Variants in NAT16 observed in about 807,000 individuals in gnomAD.
NAT16 encodes probable N-acetyltransferase 16.
A neutral mutation model predicts 15.9 loss-of-function variants in NAT16; 16 were observed. The ratio of observed to expected loss-of-function variants is 1.01; its 90% CI spans 0.68 to 1.53. The LOEUF (loss-of-function observed/expected upper bound fraction) is 1.53, where lower values mean the gene tolerates loss of function less well. Ranked by LOEUF, NAT16 falls within the 40% of genes most tolerant of loss-of-function variation. The pLI is 0.00. For missense variants in NAT16, 572 were observed against 508.4 expected, an observed-to-expected ratio of 1.13 and a Z score of -1.20; for synonymous variants, 260 against 241.9, an observed-to-expected ratio of 1.07 and a Z score of -0.69.
chr7:101,174,288 C>T (rs1797412862), intron 2 of NAT16: 1 of 607,644 alleles, frequency 1.6e-6, no homozygotes, highest in Non-Finnish European at 2.7e-6. Context: ...CCCTCTGGTT[C>T]CTCTGCTTTA....
Position 101,171,688 on chromosome 7 carries a change from G to A in NAT16, c.*391C>T, listed in dbSNP as rs1444073282. ...ACTCCTGAGTTCTTCCACCCACGAG[G>A]GGGCAGAAGGGAGAAGCCAGGAAAG... On this transcript the variant is annotated 3_prime_UTR_variant, in exon 4 of 4. Coordinates refer to ENST00000300303, the MANE Select transcript of NAT16 (RefSeq NM_198571.3). The A allele has an allele frequency of 5.3e-6, 1 of 187,634 alleles. No homozygotes were observed. Among genetic ancestry groups the A allele is most frequent in the Admixed American group, 5.8e-5 (1 of 17,142 alleles). The allele number at this position is 187,634 out of a possible 1,614,324, so 11.6% of individuals were successfully genotyped here.
rs1056690898 is a variant in NAT16, at chr7:101,177,365, C to T, written c.-4-2554G>A. On this transcript the variant is annotated intron_variant, in intron 1 of 3. Coordinates refer to ENST00000300303, the MANE Select transcript of NAT16 (RefSeq NM_198571.3). ...TTTATTTTATTTTGTTCTTTTGAGT[C>T]GGGGTCTCGCTCTGTCACCCAGGCC... Among the ~76,000 whole-genome samples the T allele has an allele frequency of 3.9e-5, 6 of 151,924 alleles. 1 individual carries two copies. The South Asian group carries it at 6.3e-4, about 16-fold the overall frequency.
At chr7:101,176,572 C>T (rs1022113310) in intron 1 of NAT16, among the ~76,000 whole-genome samples, 6 of 150,264 alleles carry the variant, frequency 4.0e-5, no homozygotes, top group African/African-American at 1.2e-4. Flanking sequence ...CCCCCGCCCC[C>T]GCCCCTTTCC....
Position 101,172,615 on chromosome 7 carries a change from G to A in NAT16, c.574C>T (p.Leu192=). The A allele has an allele frequency of 6.6e-7, 1 of 1,525,728 alleles. No homozygotes were observed. The highest frequency in any genetic ancestry group is 8.7e-7 in the Non-Finnish European group (1 of 1,144,824). 94.5% of individuals were successfully genotyped at this position (1,525,728 alleles called of 1,614,324 possible). A position where few individuals can be genotyped will look rare whatever the true frequency, so the allele number is the denominator to read the frequency against. Residue 192 remains leucine, a synonymous_variant, in exon 4 of 4, where the codon CTG becomes TTG. Transcript: ENST00000300303. This position sits in a 1 kb window ranked among gnomAD's most constrained non-coding sequence, Gnocchi z 4.2. The part of the protein sequence containing the change: ...LLVRFNASAL[L]AGLGARLAAL... ...GCCAGCCGCGCGCCCAGCCCGGCCA[G>A]CAGCGCGGACGCGTTGAATCGGACC...
rs764989246 is a variant in NAT16 at position 101,173,362 on chromosome 7, T to A, written c.471A>T (p.Ala157=). The A allele has an allele frequency of 1.9e-6, 3 of 1,613,930 alleles. No homozygotes were observed. The highest frequency in any genetic ancestry group is 1.1e-5 in the South Asian group (1 of 91,080). Residue 157 remains alanine, a synonymous_variant, in exon 3 of 4, where the codon GCA becomes GCT. Transcript: ENST00000300303. Reference sequence around the variant, plus strand: ...CCAGCTGGTCGTCCCGGGTGAGCCGTGCCACCTTGACCCCCGGGTGCTGTC... The same window carrying A: ...CCAGCTGGTCGTCCCGGGTGAGCCGAGCCACCTTGACCCCCGGGTGCTGTC... The part of the protein sequence containing the change: ...VKRQHPGVKV[A]RLTRDDQLGP...
At chr7:101,178,244 G>T (rs1205560374) in intron 1 of NAT16, among the ~76,000 whole-genome samples, 2 of 152,140 alleles carry the variant, frequency 1.3e-5, no homozygotes, top group East Asian at 3.9e-4. Context: ...ACTTTCCAAT[G>T]CATCCCCCAT....
chr7:101,175,588 C>G (rs972724020), intron 1 of NAT16, among the ~76,000 whole-genome samples: 3 of 151,102 alleles, frequency 2.0e-5, no homozygotes, highest in African/African-American at 7.3e-5. Context: ...GATCCAGGGA[C>G]CCAGGCAAAA....
intron 1 of NAT16, among the ~76,000 whole-genome samples, 190 bp downstream of exon 1, chr7:101,179,852 G>C (rs1045384520): frequency 1.3e-5 from 2 of 151,740 alleles, no homozygotes; most frequent in Non-Finnish European, 2.9e-5. Context: ...GGGGGGCGGG[G>C]GAGCGCTTCT....
rs778723713 is a variant in NAT16 at position 101,172,318 on chromosome 7, C to G, written c.871G>C (p.Asp291His). Residue 291 changes from aspartate (D) to histidine (H), a missense_variant, in exon 4 of 4, where the codon GAC (aspartate) becomes CAC (histidine). By Grantham distance (81) the Asp-to-His change is moderately conservative (BLOSUM62 -1). Transcript: ENST00000300303. This position sits in a 1 kb window ranked among gnomAD's most constrained non-coding sequence, Gnocchi z 4.2. ...ATGTTGAGATAGCGCCAAGTGCCGT[C>G]CCCTCCGTGCGGGATGGGGAAGGGG... ...TRPFPIPHGGDGTWRYLNIDA... is the reference protein window; with the variant it reads ...TRPFPIPHGGHGTWRYLNIDA... 1.6e-5 allele frequency: 26 copies of G among 1,608,060 alleles called. No homozygotes were observed. Among genetic ancestry groups the G allele is most frequent in the Non-Finnish European group, 2.2e-5 (26 of 1,178,066 alleles).
At position 101,173,662 on chromosome 7, in the gene NAT16, CA is replaced by C. The variant is rs574385861; in HGVS notation, c.313-143del. On this transcript the variant is annotated intron_variant, in intron 2 of 3. Coordinates refer to ENST00000300303, the MANE Select transcript of NAT16 (RefSeq NM_198571.3). ...CCAGGCCAGGCCTGGGGTAGCACGG[CA>C]CTTGGGCCTCAGATTACAGAGCCGG... The C allele has an allele frequency of 8.0e-5, 51 of 639,406 alleles. No individual in the cohort carries two copies. In the East Asian group the frequency reaches 1.5e-3, roughly 19 times the overall value. 39.6% of individuals were successfully genotyped at this position (639,406 alleles called of 1,614,324 possible).
chr7:101,172,588 C>T lies in NAT16; in HGVS notation c.601G>A (p.Ala201Thr), dbSNP rs1310719300. ...LLAGLGARLA[A>T]LRTSGTFSPL... is the part of the protein sequence containing the mutation. ...GAGAAGGTGCCAGAGGTCCGCAGCG[C>T]CGCCAGCCGCGCGCCCAGCCCGGCC... The change falls in exon 4 of 4, where the codon GCG (alanine) becomes ACG (threonine). Residue 201 changes from alanine (A) to threonine (T), a missense_variant. Physicochemically the swap from Ala to Thr is moderately conservative, Grantham distance 58. Transcript: ENST00000300303. The surrounding 1 kb of genome is among the most constrained non-coding windows in gnomAD (Gnocchi z 4.2). 6.5e-7 allele frequency: 1 copy of T among 1,528,536 alleles called. No individual in the cohort carries two copies. The highest frequency in any genetic ancestry group is 2.0e-5 in the Admixed American group (1 of 49,942). 94.7% of individuals were successfully genotyped at this position (1,528,536 alleles called of 1,614,324 possible). A position where few individuals can be genotyped will look rare whatever the true frequency, so the allele number is the denominator to read the frequency against.
Position 101,173,353 on chromosome 7 carries a change from G to A in NAT16, c.480C>T (p.Thr160=). The change falls in exon 3 of 4, where the codon ACC becomes ACT. Residue 160 remains threonine, a synonymous_variant. Coordinates refer to ENST00000300303, the MANE Select transcript of NAT16 (RefSeq NM_198571.3). The stretch of plus-strand genomic sequence containing the variant: ...CCCGGGGGCCCAGCTGGTCGTCCCG[G>A]GTGAGCCGTGCCACCTTGACCCCCG... ...QHPGVKVARL[T]RDDQLGPREL... The A allele has an allele frequency of 6.2e-7, 1 of 1,614,048 alleles. No individual in the cohort carries two copies.
intron 1 of NAT16, chr7:101,179,180 G>T (rs118002477): frequency 0.014 from 2,171 of 152,006 alleles, 31 homozygotes; most frequent in Non-Finnish European, 0.021. Flanking sequence ...CCCAGTCGCC[G>T]GAGAGGCGGA....
chr7:101,177,553 T>C (rs1797493239), intron 1 of NAT16, among the ~76,000 whole-genome samples: 1 of 151,940 alleles, frequency 6.6e-6, no homozygotes, highest in Non-Finnish European at 1.5e-5. Context: ...GGTCCCACTA[T>C]TTTGCCCAGG....
rs1293449742 is a variant in NAT16 at position 101,170,843 on chromosome 7, C to T, written c.*1236G>A. The T allele has an allele frequency of 6.6e-6, 1 of 152,218 alleles. No individual in the cohort carries two copies. The highest frequency in any genetic ancestry group is 1.5e-5 in the Non-Finnish European group (1 of 68,052). 9.4% of individuals were successfully genotyped at this position (152,218 alleles called of 1,614,324 possible). A position where few individuals can be genotyped will look rare whatever the true frequency, so the allele number is the denominator to read the frequency against. On this transcript the variant is annotated 3_prime_UTR_variant, in exon 4 of 4. Transcript: ENST00000300303. ...AGGCTTGGGACACCCGGGTTCTATT[C>T]GCTGGGAGGCTCCTAGCTACTTTGA... is the stretch of plus-strand genomic sequence containing the variant.
intron 1 of NAT16, among the ~76,000 whole-genome samples, chr7:101,176,955 G>C (rs1183801635): frequency 6.6e-6 from 1 of 152,090 alleles, no homozygotes; most frequent in Non-Finnish European, 1.5e-5. Flanking sequence ...TTGACCAGCA[G>C]TGGGACCAAG....
rs71126381 is a variant in NAT16 at position 101,178,889 on chromosome 7, CAAAAAAA to C, written c.-5+1146_-5+1152del. On this transcript the variant is annotated intron_variant, in intron 1 of 3. Coordinates refer to ENST00000300303, the MANE Select transcript of NAT16 (RefSeq NM_198571.3). ...CTGGGCAACAAGAGTGAAACGCTGT[CAAAAAAA>C]AAAAAAAAAAAAAAGAGGAATAACA... 1.5e-3 allele frequency among the ~76,000 whole-genome samples: 91 copies of C among 62,078 alleles called. 1 individual carries two copies. The highest frequency in any genetic ancestry group is 2.0e-3 in the Non-Finnish European group (71 of 36,268). The allele number at this position is 62,078 out of a possible 152,430, so 40.7% of individuals were successfully genotyped here.
Position 101,174,243 on chromosome 7 carries a change from C to T in NAT16, c.312+253G>A, listed in dbSNP as rs1249886925. 50 of 526,404 alleles carry T rather than the reference C, an allele frequency of 9.5e-5. 1 individual carries two copies. Among genetic ancestry groups the T allele is most frequent in the South Asian group, 3.1e-5 (1 of 32,346 alleles). The allele number at this position is 526,404 out of a possible 1,614,324, so 32.6% of individuals were successfully genotyped here. A position where few individuals can be genotyped will look rare whatever the true frequency, so the allele number is the denominator to read the frequency against. On this transcript the variant is annotated intron_variant, in intron 2 of 3. Coordinates refer to ENST00000300303, the MANE Select transcript of NAT16 (RefSeq NM_198571.3). The stretch of plus-strand genomic sequence containing the variant: ...TTTGCTTTTACCCCCAGAAATTCCT[C>T]CGGTGGATCCTCGAACTTTCAAACG...
At chr7:101,178,973 A>G (rs949550035) in intron 1 of NAT16, 2 of 150,618 alleles carry the variant, frequency 1.3e-5, no homozygotes, top group African/African-American at 4.9e-5. Flanking sequence ...TTTAAATCTC[A>G]TAAATATGAA....
Sources: allele counts gnomAD v4.1 joint callset (sites outside exome capture counted in the v4.1 genomes callset), GRCh38; gene constraint gnomAD v4.1.1; non-coding constraint Gnocchi (gnomAD v3.1); transcripts MANE v1.5; gene names NCBI Gene and HGNC (gene_info 2026-07-23, HGNC 2026-07-21).